The following KCTD16 variants were observed in gnomAD, a reference collection of about 807,000 sequenced individuals.
KCTD16 encodes the protein BTB/POZ domain-containing protein KCTD16.
In KCTD16, 13 loss-of-function variants were observed where a neutral mutation model predicts 33.2. The ratio of observed to expected loss-of-function variants is 0.39; its 90% CI spans 0.25 to 0.62. The LOEUF (loss-of-function observed/expected upper bound fraction) is 0.62. KCTD16 is among the 20% of genes least tolerant of loss of function. KCTD16 has a pLI of 0.50. For missense variants in KCTD16, 441 were observed against 525.1 expected, an observed-to-expected ratio of 0.84 and a Z score of 1.57; for synonymous variants, 197 against 195.3, an observed-to-expected ratio of 1.01 and a Z score of -0.07.
At chr5:144,395,619 A>G (rs1292191062) in intron 3 of KCTD16, among the ~76,000 whole-genome samples, 2 of 152,222 alleles carry the variant, frequency 1.3e-5, no homozygotes, top group East Asian at 3.8e-4. Context: ...GTTCCTGCTT[A>G]CAGCCATATG....
In KCTD16 at chr5:144,243,757, TAGAG is replaced by T. The variant is rs1209326572; in HGVS notation, c.832+36222_832+36225del. ...ACTCTTTTTTTTGTTTTGTTTTTTT[TAGAG>T]AGAGAGAGAGTCTCGTTCTGTCACC... On this transcript the variant is annotated intron_variant, in intron 3 of 3. Transcript: ENST00000512467. Among the ~76,000 whole-genome samples the T allele has an allele frequency of 5.3e-5, 8 of 151,834 alleles. No individual in the cohort carries two copies. The East Asian group carries it at 7.7e-4, about 15-fold the overall frequency.
intron 3 of KCTD16, among the ~76,000 whole-genome samples, chr5:144,266,908 T>A (rs546190625): frequency 6.6e-6 from 1 of 152,334 alleles, no homozygotes; most frequent in South Asian, 2.1e-4. Context: ...ATATTTTAGT[T>A]CATCTGGTCC....
chr5:144,272,055 GATATA>G (rs920233690), intron 3 of KCTD16, among the ~76,000 whole-genome samples: 2 of 152,082 alleles, frequency 1.3e-5, no homozygotes, highest in Non-Finnish European at 2.9e-5. Context: ...TCAATTGGAA[GATATA>G]ATATATTAAG....
At chr5:144,192,154 G>A (rs1752854830) in intron 2 of KCTD16, among the ~76,000 whole-genome samples, 1 of 152,098 alleles carries the variant, frequency 6.6e-6, no homozygotes, top group Non-Finnish European at 1.5e-5. Flanking sequence ...AGGATGCTGG[G>A]TAAGTGAACA....
intron 3 of KCTD16, among the ~76,000 whole-genome samples, chr5:144,301,240 CAA>C (rs5871873): frequency 0.3 from 22,166 of 73,246 alleles, 983 homozygotes; most frequent in African/African-American, 0.33. Context: ...GATTCCATCT[CAA>C]AAAAAAAAAA....
At chr5:144,471,615 C>T (rs1396979496) in intron 3 of KCTD16, among the ~76,000 whole-genome samples, 2 of 152,050 alleles carry the variant, frequency 1.3e-5, no homozygotes, top group African/African-American at 2.4e-5. Context: ...CATATTCTGC[C>T]TAGTAAAGGT....
intron 3 of KCTD16, among the ~76,000 whole-genome samples, chr5:144,280,266 G>C (rs1183290716): frequency 1.3e-5 from 2 of 152,000 alleles, no homozygotes; most frequent in Non-Finnish European, 2.9e-5. Context: ...TTTCCTAACT[G>C]ATTAGTAGAA....
Position 144,207,348 on chromosome 5 carries a change from A to G in KCTD16, c.634A>G (p.Ser212Gly), listed in dbSNP as rs778606553. ...KEVFGETLNE[S>G]RDPDRAPERY... ...AGTCTTTGGAGAAACTTTGAATGAA[A>G]GCAGAGACCCTGATCGAGCCCCAGA... is the stretch of plus-strand genomic sequence containing the variant. Residue 212 changes from serine (S) to glycine (G), a missense_variant, in exon 3 of 4, where the codon AGC becomes GGC. By Grantham distance (56) the Ser-to-Gly change is moderately conservative. This residue lies in a region of KCTD16 where 355 missense variants were observed against 413.0 expected (regional missense o/e 0.86). Transcript: ENST00000512467. 1.9e-6 allele frequency: 3 copies of G among 1,614,222 alleles called. No homozygotes were observed. Among genetic ancestry groups the G allele is most frequent in the Non-Finnish European group, 2.5e-6 (3 of 1,180,046 alleles).
intron 3 of KCTD16, among the ~76,000 whole-genome samples, chr5:144,322,793 C>T (rs1480245283): frequency 6.6e-6 from 1 of 151,536 alleles, no homozygotes; most frequent in Non-Finnish European, 1.5e-5. Context: ...GTTTGCATTG[C>T]TGTGCATGCA....
intron 3 of KCTD16, among the ~76,000 whole-genome samples, chr5:144,227,953 T>C (rs1753985158): frequency 6.6e-6 from 1 of 152,164 alleles, no homozygotes; most frequent in Non-Finnish European, 1.5e-5. Flanking sequence ...TTGCCTTTTT[T>C]AGAGGTAATA....
At chr5:144,453,105 G>C (rs1256241871) in intron 3 of KCTD16, among the ~76,000 whole-genome samples, 1 of 152,112 alleles carries the variant, frequency 6.6e-6, no homozygotes, top group Non-Finnish European at 1.5e-5. Flanking sequence ...GGCATGGTTA[G>C]GGCCATGATC....
intron 3 of KCTD16, among the ~76,000 whole-genome samples, chr5:144,313,761 A>T (rs913067493): frequency 6.6e-6 from 1 of 152,152 alleles, no homozygotes; most frequent in African/African-American, 2.4e-5. Flanking sequence ...GTCAATCTGG[A>T]ATATCCAGAG....
At chr5:144,415,150 A>T (rs1753018395) in intron 3 of KCTD16, among the ~76,000 whole-genome samples, 1 of 152,184 alleles carries the variant, frequency 6.6e-6, no homozygotes, top group African/African-American at 2.4e-5. Context: ...GAGAGAGCGG[A>T]AACAAGAGGG....
chr5:144,427,317 CTCAA>C (rs1753355087), intron 3 of KCTD16, among the ~76,000 whole-genome samples: 1 of 152,002 alleles, frequency 6.6e-6, no homozygotes, highest in East Asian at 1.9e-4. Flanking sequence ...AAGGGCTAGC[CTCAA>C]TCAAATTCAA....
At chr5:144,355,204 C>A (rs1029817752) in intron 3 of KCTD16, among the ~76,000 whole-genome samples, 4 of 152,084 alleles carry the variant, frequency 2.6e-5, no homozygotes, top group Admixed American at 6.6e-5. Context: ...CAGATGACAA[C>A]AATATCAACC....
At chr5:144,182,606 G>A (rs1460152797) in intron 2 of KCTD16, among the ~76,000 whole-genome samples, 2 of 152,132 alleles carry the variant, frequency 1.3e-5, no homozygotes, top group African/African-American at 4.8e-5. Flanking sequence ...TTGCATAATG[G>A]ACATTTTCAA....
At chr5:144,417,009 T>C (rs958276821) in intron 3 of KCTD16, among the ~76,000 whole-genome samples, 3 of 152,226 alleles carry the variant, frequency 2.0e-5, no homozygotes, top group African/African-American at 7.2e-5. Context: ...CATAACTTGT[T>C]TGTCCATTTA....
chr5:144,480,029 C>T lies in KCTD16; in HGVS notation c.*5915C>T, dbSNP rs1754673754. The T allele has an allele frequency of 6.6e-6, 1 of 151,990 alleles. No homozygotes were observed. The highest frequency in any genetic ancestry group is 2.4e-5 in the African/African-American group (1 of 41,408). 9.4% of individuals were successfully genotyped at this position (151,990 alleles called of 1,614,324 possible). ...TTTAGATAATTTACCTGCATTTGCA[C>T]AGTGAAAAATCAACATAACTTTATA... On this transcript the variant is annotated 3_prime_UTR_variant, in exon 4 of 4. Transcript: ENST00000512467.
In KCTD16 at chr5:144,483,767, A is replaced by G. The variant is rs1197163100; in HGVS notation, c.*9653A>G. 1 of 151,940 alleles carries G rather than the reference A, an allele frequency of 6.6e-6. No individual in the cohort carries two copies. The highest frequency in any genetic ancestry group is 1.5e-5 in the Non-Finnish European group (1 of 67,928). The allele number at this position is 151,940 out of a possible 1,614,324, so 9.4% of individuals were successfully genotyped here. On this transcript the variant is annotated 3_prime_UTR_variant, in exon 4 of 4. Coordinates refer to ENST00000512467, the MANE Select transcript of KCTD16 (RefSeq NM_020768.4). ...TGTATGCACACAAGCCCATGCCTTCAACTGATAGTCCTAGCACAGATCCCT... is the reference window on the plus strand; with the variant it reads ...TGTATGCACACAAGCCCATGCCTTCGACTGATAGTCCTAGCACAGATCCCT...
Sources: gnomAD v4.1 joint callset for allele counts (sites outside exome capture counted in the v4.1 genomes callset) on GRCh38, gnomAD v4.1.1 for gene constraint, gnomAD v4.1.1 regional missense constraint, MANE v1.5 for transcripts, NCBI Gene and HGNC (gene_info 2026-07-23, HGNC 2026-07-21) for gene names.